The following RBFOX1 variants were observed in gnomAD, a reference collection of about 807,000 sequenced individuals.
RBFOX1 encodes the protein RNA binding fox-1 homolog 1, also known as RNA binding protein fox-1 homolog 1.
RBFOX1 carries 8 observed loss-of-function variants against 57.7 expected under a neutral mutation model. That is an observed-to-expected ratio of 0.14 (90% CI 0.08 to 0.25). RBFOX1 has a LOEUF of 0.25. Among genes scored for constraint, RBFOX1 ranks in the 10% least tolerant of loss-of-function variants. RBFOX1 has a pLI of 1.00. For missense variants in RBFOX1, 611 were observed against 548.5 expected, an observed-to-expected ratio of 1.11 and a Z score of -1.14; for synonymous variants, 326 against 222.4, an observed-to-expected ratio of 1.47 and a Z score of -4.15.
chr16:6,818,460 G>T (rs958770443), intron 3 of RBFOX1, among the ~76,000 whole-genome samples: 1 of 152,172 alleles, frequency 6.6e-6, no homozygotes, highest in Non-Finnish European at 1.5e-5. Context: ...TTGAATGCCA[G>T]TGAGAGTTTT....
intron 5 of RBFOX1, among the ~76,000 whole-genome samples, chr16:7,541,119 C>G (rs2082805631): frequency 6.6e-6 from 1 of 152,198 alleles, no homozygotes; most frequent in African/African-American, 2.4e-5. Flanking sequence ...TGCTTTTCGC[C>G]CCTGACTGCT....
At chr16:7,533,401 C>T (rs57493285) in intron 5 of RBFOX1, among the ~76,000 whole-genome samples, 4,854 of 152,104 alleles carry the variant, frequency 0.032, 220 homozygotes, top group African/African-American at 0.11. Flanking sequence ...CACATACACA[C>T]AGCCCTGCAT....
chr16:7,471,674 G>A (rs2061576959), intron 4 of RBFOX1, among the ~76,000 whole-genome samples: 2 of 152,224 alleles, frequency 1.3e-5, no homozygotes, highest in South Asian at 4.1e-4. Flanking sequence ...AGAATCCAGA[G>A]ATGTTGAACT....
chr16:6,478,300 G>A (rs1420288742), intron 2 of RBFOX1, among the ~76,000 whole-genome samples: 2 of 134,848 alleles, frequency 1.5e-5, no homozygotes, highest in East Asian at 4.2e-4. Flanking sequence ...TCAGCTTACT[G>A]CAACCTCCGC....
At chr16:5,573,253 T>C (rs1471288829) in intron 2 of RBFOX1, among the ~76,000 whole-genome samples, 1 of 152,160 alleles carries the variant, frequency 6.6e-6, no homozygotes, top group Non-Finnish European at 1.5e-5. Flanking sequence ...CACGTTTCAT[T>C]GGCTGCTGGT....
intron 2 of RBFOX1, among the ~76,000 whole-genome samples, chr16:6,641,573 A>G (rs527358389): frequency 6.6e-6 from 1 of 152,016 alleles, no homozygotes; most frequent in East Asian, 1.9e-4. Flanking sequence ...CGTCTCTACT[A>G]GAAATACAAA....
rs1427218637 is a variant in RBFOX1, at chr16:7,520,564, T to G, written c.270+2175T>G. 2.0e-5 allele frequency among the ~76,000 whole-genome samples: 3 copies of G among 152,240 alleles called. No individual in the cohort carries two copies. In the East Asian group the frequency reaches 5.8e-4, roughly 29 times the overall value. On this transcript the variant is annotated intron_variant, in intron 5 of 15. Transcript: ENST00000550418. ...CCACTGTATGGATAGACCGTGTTTA[T>G]TTATTCATTAGTCCATTGATGGATA...
chr16:7,031,132 A>C (rs776750910), intron 3 of RBFOX1, among the ~76,000 whole-genome samples: 32 of 152,186 alleles, frequency 2.1e-4, no homozygotes, highest in Non-Finnish European at 4.0e-4. Flanking sequence ...AACTGCAGGT[A>C]TGCTGCAGGA....
intron 1 of RBFOX1, among the ~76,000 whole-genome samples, chr16:6,029,507 C>T (rs909018766): frequency 2.6e-5 from 4 of 152,186 alleles, no homozygotes; most frequent in Non-Finnish European, 4.4e-5. Flanking sequence ...GGCGTGGTGG[C>T]TCACGCCTGT....
chr16:5,454,793 T>TTCTTTCCCTTTCC (rs2068535762), intron 1 of RBFOX1, among the ~76,000 whole-genome samples: 1 of 149,932 alleles, frequency 6.7e-6, no homozygotes, highest in Non-Finnish European at 1.5e-5. Flanking sequence ...TTCTTTCTCT[T>TTCTTTCCCTTTCC]TCTTTCTTTC....
At chr16:6,521,525 C>T (rs986420608) in intron 2 of RBFOX1, among the ~76,000 whole-genome samples, 2 of 144,592 alleles carry the variant, frequency 1.4e-5, no homozygotes, top group Non-Finnish European at 3.0e-5. Flanking sequence ...GCTTTTCCCT[C>T]CCTCCTTCCT....
chr16:5,306,608 G>C (rs1453576582), intron 1 of RBFOX1, among the ~76,000 whole-genome samples: 1 of 152,074 alleles, frequency 6.6e-6, no homozygotes, highest in Non-Finnish European at 1.5e-5. Flanking sequence ...TGCCTGGCCG[G>C]GGTCTTGTAG....
chr16:5,430,162 C>G (rs537208439), intron 1 of RBFOX1, among the ~76,000 whole-genome samples: 2 of 152,288 alleles, frequency 1.3e-5, no homozygotes, highest in East Asian at 3.9e-4. Context: ...AAAAGTCCCT[C>G]TCTTCATGGA....
intron 1 of RBFOX1, chr16:6,056,885 CA>C (rs1303449541): frequency 6.9e-6 from 1 of 145,094 alleles, no homozygotes; most frequent in Non-Finnish European, 1.5e-5. Context: ...GAGCTGCATA[CA>C]GAAAGAACAA....
intron 4 of RBFOX1, among the ~76,000 whole-genome samples, chr16:7,444,390 A>T (rs1411561985): frequency 6.6e-6 from 1 of 152,188 alleles, no homozygotes; most frequent in African/African-American, 2.4e-5. Flanking sequence ...ATGGGGCTTC[A>T]ATGAGGGATG....
At chr16:6,224,667 C>G (rs1041862450) in intron 1 of RBFOX1, among the ~76,000 whole-genome samples, 2 of 152,114 alleles carry the variant, frequency 1.3e-5, no homozygotes, top group African/African-American at 2.4e-5. Context: ...GATTATCAAT[C>G]TAATTGAATG....
intron 3 of RBFOX1, among the ~76,000 whole-genome samples, chr16:7,045,280 C>CA (rs1355748130): frequency 6.6e-6 from 1 of 151,406 alleles, no homozygotes; most frequent in Admixed American, 6.6e-5. Context: ...GTGCATGACC[C>CA]AAAAAAAGAA....
chr16:6,362,557 C>G (rs1010567953), intron 2 of RBFOX1, among the ~76,000 whole-genome samples: 1 of 152,182 alleles, frequency 6.6e-6, no homozygotes. Flanking sequence ...ACCTGATGCT[C>G]TCTGACAGCA....
intron 4 of RBFOX1, among the ~76,000 whole-genome samples, chr16:7,213,077 T>C (rs2091440898): frequency 6.6e-6 from 1 of 152,150 alleles, no homozygotes; most frequent in Non-Finnish European, 1.5e-5. Context: ...TTGGAATAGG[T>C]TGCCAAGACT....
Sources: allele counts gnomAD v4.1 joint callset (sites outside exome capture counted in the v4.1 genomes callset), GRCh38; gene constraint gnomAD v4.1.1; transcripts MANE v1.5; gene names NCBI Gene and HGNC (gene_info 2026-07-23, HGNC 2026-07-21).